ALKBH8: variants seen among roughly 807,000 people sequenced by gnomAD.
ALKBH8 encodes the protein tRNA (carboxymethyluridine(34)-5-O)-methyltransferase ALKBH8.
In ALKBH8, 36 loss-of-function variants were observed where a neutral mutation model predicts 59.8. The observed-to-expected ratio is 0.60, with a 90% confidence interval of 0.46 to 0.79. The LOEUF is 0.79. Ranked by LOEUF, ALKBH8 falls within the 30% of genes least tolerant of loss-of-function variation. ALKBH8 has a pLI of 0.00. For synonymous variants in ALKBH8, 276 were observed against 273.6 expected (o/e 1.01, Z -0.09); for missense variants, 768 against 801.0 (o/e 0.96, Z 0.50).
chr11:107,535,006 T>C (rs1479141215), intron 7 of ALKBH8, among the ~76,000 whole-genome samples: 1 of 152,196 alleles, frequency 6.6e-6, no homozygotes, highest in Non-Finnish European at 1.5e-5. Flanking sequence ...ACATACAATG[T>C]TTGGTTTTCC....
chr11:107,557,099 A>G (rs1324051283), intron 2 of ALKBH8, 96 bp from the exon 3 acceptor site: 20 of 918,942 alleles, frequency 2.2e-5, no homozygotes, highest in Non-Finnish European at 3.1e-5. Flanking sequence ...AAAAGATGTA[A>G]TTAAGAAAAA....
At chr11:107,508,354 G>T (rs1483801325) in intron 11 of ALKBH8, among the ~76,000 whole-genome samples, 1 of 151,938 alleles carries the variant, frequency 6.6e-6, no homozygotes, top group Admixed American at 6.6e-5. Context: ...TGTATTTTTA[G>T]TAAAGATGAG....
At chr11:107,554,899 A>T (rs1217653324) in intron 3 of ALKBH8, among the ~76,000 whole-genome samples, 2 of 152,126 alleles carry the variant, frequency 1.3e-5, no homozygotes, top group African/African-American at 4.8e-5. Context: ...TTTTAAAAAG[A>T]ATTAAAAATA....
intron 11 of ALKBH8, 108 bp from the exon 12 acceptor site, chr11:107,505,323 A>G (rs1862338448): frequency 2.5e-6 from 2 of 785,810 alleles, no homozygotes; most frequent in South Asian, 6.0e-5. Flanking sequence ...AAGAATATCT[A>G]ACAAAATATC....
intron 9 of ALKBH8, 55 bp from the exon 10 acceptor site, chr11:107,522,610 A>G: frequency 1.4e-6 from 2 of 1,477,470 alleles, no homozygotes; most frequent in South Asian, 1.4e-5. Context: ...CTCATAAGGT[A>G]TCAAGTTTTC....
In ALKBH8 at chr11:107,551,931, A is replaced by G. The variant is rs959416845; in HGVS notation, c.596-19T>C. The G allele has an allele frequency of 7.5e-7, 1 of 1,333,406 alleles. No individual in the cohort carries two copies. Among genetic ancestry groups the G allele is most frequent in the Non-Finnish European group, 1.0e-6 (1 of 996,256 alleles). The allele number at this position is 1,333,406 out of a possible 1,614,324, so 82.6% of individuals were successfully genotyped here. On this transcript the variant is annotated intron_variant, in intron 5 of 11. Transcript: ENST00000428149. ...GGAAGACCTACAATGAGTAATCATA[A>G]AGACAAAACATTAAAATATTTACTT...
At position 107,556,944 on chromosome 11, in the gene ALKBH8, C is replaced by T. The variant is rs1260737889; in HGVS notation, c.189G>A (p.Pro63=). Residue 63 remains proline (P), a synonymous_variant, in exon 3 of 12, where the codon CCG becomes CCA. Transcript: ENST00000428149. ...CCACCAGTCCACATTTCTCTAAAACCGGGAGCAGCTGGTTCCGACTCACAC... is the reference window on the plus strand; with the variant it reads ...CCACCAGTCCACATTTCTCTAAAACTGGGAGCAGCTGGTTCCGACTCACAC... The part of the protein sequence containing the change: ...GNGVSRNQLL[P]VLEKCGLVDA... 8 of 1,610,700 alleles carry T rather than the reference C, an allele frequency of 5.0e-6. No individual in the cohort carries two copies. Among genetic ancestry groups the T allele is most frequent in the African/African-American group, 1.3e-5 (1 of 74,656 alleles).
rs1359662478 is a variant in ALKBH8, at chr11:107,565,650, T to C, written c.-56A>G. The C allele has an allele frequency of 6.5e-6, 10 of 1,535,714 alleles. No individual in the cohort carries two copies. Among genetic ancestry groups the C allele is most frequent in the Non-Finnish European group, 8.7e-6 (10 of 1,146,912 alleles). On this transcript the variant is annotated 5_prime_UTR_variant, in exon 1 of 12. Coordinates refer to ENST00000428149, the MANE Select transcript of ALKBH8 (RefSeq NM_138775.3). ...CTCACCATGCGTGTGCCTTCTTCTT[T>C]GCCAGCCTCTCCACTCTAGCACCAG... is the stretch of plus-strand genomic sequence containing the variant.
At chr11:107,547,462 G>T (rs1175087713) in intron 7 of ALKBH8, among the ~76,000 whole-genome samples, 1 of 152,138 alleles carries the variant, frequency 6.6e-6, no homozygotes, top group Non-Finnish European at 1.5e-5. Context: ...ACACCTGAAG[G>T]AGCCTTTACA....
rs1352166486 is a variant in ALKBH8 at position 107,503,955 on chromosome 11, T to C, written c.*703A>G. 4 of 152,300 alleles carry C rather than the reference T, an allele frequency of 2.6e-5. No homozygotes were observed. The highest frequency in any genetic ancestry group is 1.9e-4 in the East Asian group (1 of 5,206). 9.4% of individuals were successfully genotyped at this position (152,300 alleles called of 1,614,324 possible). Reference sequence around the variant, plus strand: ...GCATTTATCACTATCTGGCACATAGTATCTATTTATTGATTTGCCTGCTGT... The same window carrying C: ...GCATTTATCACTATCTGGCACATAGCATCTATTTATTGATTTGCCTGCTGT... On this transcript the variant is annotated 3_prime_UTR_variant, in exon 12 of 12. Transcript: ENST00000428149.
In ALKBH8 at chr11:107,560,814, T is replaced by A. The variant is rs1236846173; in HGVS notation, c.80A>T (p.His27Leu). 3 of 1,613,448 alleles carry A rather than the reference T, an allele frequency of 1.9e-6. No individual in the cohort carries two copies. The South Asian group carries it at 3.3e-5, about 18-fold the overall frequency. ...AATGCCTTCATGTCTCAGCAAAGTA[T>A]GCTTGGCTTTAATCTGTTTCCTTAA... ...KFLRKQIKAK[H>L]TLLRHEGIET... The change falls in exon 2 of 12, where the codon CAT (histidine) becomes CTT (leucine). Residue 27 changes from histidine (H) to leucine (L), a missense_variant. Coordinates refer to ENST00000428149, the MANE Select transcript of ALKBH8 (RefSeq NM_138775.3).
intron 7 of ALKBH8, among the ~76,000 whole-genome samples, chr11:107,543,266 CGGA>C (rs1864120004): frequency 6.6e-6 from 1 of 151,272 alleles, no homozygotes; most frequent in African/African-American, 2.4e-5. Context: ...AACCCGGAGG[CGGA>C]GGTTGCAGTG....
chr11:107,548,482 A>G (rs1864356922), intron 7 of ALKBH8, among the ~76,000 whole-genome samples: 1 of 152,248 alleles, frequency 6.6e-6, no homozygotes, highest in Non-Finnish European at 1.5e-5. Context: ...ACTGGTCCCT[A>G]AAGCTAGAAG....
chr11:107,553,813 C>T, intron 4 of ALKBH8, 34 bp downstream of exon 4: 6 of 1,592,182 alleles, frequency 3.8e-6, no homozygotes, highest in Non-Finnish European at 5.1e-6. Context: ...TTTGCAGAAA[C>T]TTTCAAATAT....
intron 7 of ALKBH8, among the ~76,000 whole-genome samples, chr11:107,538,957 T>C (rs937942262): frequency 6.6e-6 from 1 of 152,236 alleles, no homozygotes; most frequent in African/African-American, 2.4e-5. Flanking sequence ...GAACTTACTA[T>C]ATTTAACTAG....
At position 107,553,143 on chromosome 11, in the gene ALKBH8, T is replaced by G; in HGVS notation, c.560A>C (p.Asn187Thr). 6.2e-7 allele frequency: 1 copy of G among 1,609,616 alleles called. No homozygotes were observed. The highest frequency in any genetic ancestry group is 8.5e-7 in the Non-Finnish European group (1 of 1,178,078). Residue 187 changes from asparagine (N) to threonine (T), a missense_variant, in exon 5 of 12, where the codon AAC becomes ACC. Coordinates refer to ENST00000428149, the MANE Select transcript of ALKBH8 (RefSeq NM_138775.3). ...KHFGYEFHYE[N>T]NNVDKDKPLS... ...TGGCTTATCTTTATCTACATTGTTG[T>G]TCTCATAGTGGAACTCATAACCAAA...
At position 107,520,265 on chromosome 11, in the gene ALKBH8, C is replaced by G. The variant is rs1863052545; in HGVS notation, c.1287+2034G>C. 1.3e-5 allele frequency among the ~76,000 whole-genome samples: 2 copies of G among 152,194 alleles called. 1 individual carries two copies. The highest frequency in any genetic ancestry group is 4.1e-4 in the South Asian group (2 of 4,826). On this transcript the variant is annotated intron_variant, in intron 10 of 11. Transcript: ENST00000428149. Reference sequence around the variant, plus strand: ...GGAAATCAGGCAATGCAGTAAGCTCCAGGGAACAACAGACAGGAAAGAATT... The same window carrying G: ...GGAAATCAGGCAATGCAGTAAGCTCGAGGGAACAACAGACAGGAAAGAATT...
At chr11:107,522,206 G>T (rs1467151625) in intron 10 of ALKBH8, 93 bp downstream of exon 10, 7 of 1,393,360 alleles carry the variant, frequency 5.0e-6, no homozygotes, top group Middle Eastern at 2.4e-4. Context: ...TTCTGGCAAT[G>T]ATCTAAAAAA....
intron 7 of ALKBH8, among the ~76,000 whole-genome samples, chr11:107,543,512 T>C (rs1376202571): frequency 6.6e-6 from 1 of 152,234 alleles, no homozygotes; most frequent in Non-Finnish European, 1.5e-5. Flanking sequence ...CTATAATGTG[T>C]ACCCATGCCC....
Sources: gnomAD v4.1 joint callset for allele counts (sites outside exome capture counted in the v4.1 genomes callset) on GRCh38, gnomAD v4.1.1 for gene constraint, MANE v1.5 for transcripts, NCBI Gene and HGNC (gene_info 2026-07-23, HGNC 2026-07-21) for gene names.